ADAMTS17: variants seen among roughly 807,000 people sequenced by gnomAD.
ADAMTS17 encodes the protein ADAM metallopeptidase with thrombospondin type 1 motif 17.
A neutral mutation model predicts 141.5 loss-of-function variants in ADAMTS17; 113 were observed. The observed-to-expected ratio is 0.80, with a 90% CI of 0.69 to 0.93. The LOEUF (loss-of-function observed/expected upper bound fraction) is 0.93. Ranked by LOEUF, ADAMTS17 falls within the 40% of genes least tolerant of loss-of-function variation. ADAMTS17 has a pLI of 0.00. For synonymous variants in ADAMTS17, 768 were observed against 630.6 expected, an observed-to-expected ratio of 1.22 and a Z score of -3.27; for missense variants, 1,659 against 1,517.9, an observed-to-expected ratio of 1.09 and a Z score of -1.54.
chr15:100,318,050 T>C (rs1019102723), intron 3 of ADAMTS17, among the ~76,000 whole-genome samples: 1 of 151,992 alleles, frequency 6.6e-6, no homozygotes, highest in East Asian at 1.9e-4. Context: ...CCCAGGGACA[T>C]TTGCAGGACA....
intron 3 of ADAMTS17, among the ~76,000 whole-genome samples, chr15:100,315,914 G>A (rs1847173064): frequency 6.6e-6 from 1 of 152,262 alleles, no homozygotes; most frequent in South Asian, 2.1e-4. Context: ...GTCCCTCCAA[G>A]GCGAGAGGCC....
At chr15:100,162,400 GTGTATATATGTGTATA>G (rs1355040781) in intron 8 of ADAMTS17, among the ~76,000 whole-genome samples, 7 of 145,000 alleles carry the variant, frequency 4.8e-5, no homozygotes, top group Non-Finnish European at 9.0e-5. Context: ...CTATCTATAT[GTGTATATATGTGTATA>G]TATAACTATA....
chr15:100,098,386 C>T (rs191514753), intron 14 of ADAMTS17, among the ~76,000 whole-genome samples: 15 of 152,124 alleles, frequency 9.9e-5, no homozygotes, highest in African/African-American at 2.9e-4. Context: ...CGGTGGCTCA[C>T]GCCTGTAATC....
chr15:100,322,166 C>T (rs1244654563), intron 3 of ADAMTS17, among the ~76,000 whole-genome samples: 1 of 152,120 alleles, frequency 6.6e-6, no homozygotes, highest in Non-Finnish European at 1.5e-5. Context: ...TGAGGGAAGG[C>T]CTGGTCAGTG....
intron 3 of ADAMTS17, among the ~76,000 whole-genome samples, chr15:100,281,887 A>G (rs544206304): frequency 1.3e-5 from 2 of 152,312 alleles, no homozygotes; most frequent in African/African-American, 4.8e-5. Flanking sequence ...GGAGCCATAA[A>G]TGTTGGTAGA....
intron 3 of ADAMTS17, among the ~76,000 whole-genome samples, chr15:100,316,396 C>T (rs1355135071): frequency 2.6e-5 from 4 of 152,248 alleles, no homozygotes; most frequent in African/African-American, 7.2e-5. Context: ...ATCACACTTC[C>T]ATTCTCGCCA....
chr15:100,339,594 C>T (rs1320672179), intron 2 of ADAMTS17, among the ~76,000 whole-genome samples: 1 of 117,044 alleles, frequency 8.5e-6, no homozygotes, highest in African/African-American at 3.3e-5. Context: ...TCCACATTCC[C>T]CGCCCCAGGT....
intron 3 of ADAMTS17, among the ~76,000 whole-genome samples, chr15:100,315,668 G>A (rs1025160725): frequency 1.3e-5 from 2 of 151,802 alleles, no homozygotes; most frequent in African/African-American, 4.8e-5. Context: ...AGACCCCTGC[G>A]TCCACAAAAA....
chr15:100,077,401 G>T (rs1044240903), intron 15 of ADAMTS17, among the ~76,000 whole-genome samples: 2 of 149,538 alleles, frequency 1.3e-5, no homozygotes, highest in Non-Finnish European at 3.0e-5. Flanking sequence ...GGCAAGGGTT[G>T]CAGTGATCCG....
intron 7 of ADAMTS17, among the ~76,000 whole-genome samples, chr15:100,227,804 T>C (rs1423599300): frequency 1.3e-5 from 2 of 152,176 alleles, no homozygotes; most frequent in Admixed American, 1.3e-4. Context: ...GAATGGACTG[T>C]CGTGACCGGC....
At chr15:100,170,785 C>T (rs2040129912) in intron 8 of ADAMTS17, among the ~76,000 whole-genome samples, 1 of 152,206 alleles carries the variant, frequency 6.6e-6, no homozygotes, top group Admixed American at 6.5e-5. Flanking sequence ...CACTTAGCAA[C>T]TTGGATTCCT....
intron 18 of ADAMTS17, 83 bp downstream of exon 18, chr15:100,048,774 T>A: frequency 6.3e-7 from 1 of 1,586,610 alleles, no homozygotes; most frequent in East Asian, 2.2e-5. Context: ...TACTGTGGCA[T>A]TAACTGCATA....
chr15:100,081,073 G>A (rs561643099), intron 15 of ADAMTS17, among the ~76,000 whole-genome samples: 1 of 152,176 alleles, frequency 6.6e-6, no homozygotes, highest in Admixed American at 6.5e-5. Context: ...TAACATTTGG[G>A]TCAGGGGGCT....
chr15:100,054,732 C>A (rs942332556), intron 15 of ADAMTS17, among the ~76,000 whole-genome samples: 3 of 152,340 alleles, frequency 2.0e-5, no homozygotes, highest in African/African-American at 7.2e-5. Context: ...GAGGCACTCT[C>A]ACACCCTAGC....
intron 7 of ADAMTS17, among the ~76,000 whole-genome samples, chr15:100,234,328 G>A (rs1259959845): frequency 6.6e-6 from 1 of 152,162 alleles, no homozygotes; most frequent in Non-Finnish European, 1.5e-5. Flanking sequence ...AATGCTTTAC[G>A]TTCGTTCCAC....
intron 3 of ADAMTS17, among the ~76,000 whole-genome samples, chr15:100,292,591 C>T (rs1166098249): frequency 1.3e-5 from 2 of 152,194 alleles, no homozygotes; most frequent in Non-Finnish European, 2.9e-5. Flanking sequence ...ACACTAACCC[C>T]GTGTGAAATT....
intron 8 of ADAMTS17, among the ~76,000 whole-genome samples, chr15:100,181,695 G>T (rs988198994): frequency 6.6e-6 from 1 of 152,260 alleles, no homozygotes; most frequent in African/African-American, 2.4e-5. Flanking sequence ...CAAGATGCAA[G>T]ACAATGTTCT....
chr15:100,117,086 T>C, intron 12 of ADAMTS17, 73 bp from the exon 13 acceptor site: 2 of 1,513,724 alleles, frequency 1.3e-6, no homozygotes, highest in African/African-American at 1.4e-5. Context: ...TCCGTCTCTC[T>C]TGCCAGGGGG....
chr15:100,262,496 T>C (rs947784986), intron 4 of ADAMTS17, 61 bp from the exon 5 acceptor site: 27 of 1,271,778 alleles, frequency 2.1e-5, no homozygotes, highest in Non-Finnish European at 2.7e-5. Flanking sequence ...AATACAGTAG[T>C]ATCCTAGATG....
Sources: gnomAD v4.1 joint callset for allele counts (sites outside exome capture counted in the v4.1 genomes callset) on GRCh38, gnomAD v4.1.1 for gene constraint, MANE v1.5 for transcripts, NCBI Gene and HGNC (gene_info 2026-07-23, HGNC 2026-07-21) for gene names.